The following PLEKHH1 variants were observed in gnomAD, a reference collection of about 807,000 sequenced individuals.
PLEKHH1 encodes the protein pleckstrin homology domain-containing family H member 1.
A neutral mutation model predicts 160.0 loss-of-function variants in PLEKHH1; 104 were observed. The observed-to-expected ratio is 0.65, with a 90% confidence interval of 0.55 to 0.76. The LOEUF (loss-of-function observed/expected upper bound fraction) is 0.76, where lower values mean the gene tolerates loss of function less well. PLEKHH1 is among the 30% of genes least tolerant of loss of function. The probability of loss-of-function intolerance (pLI) is 0.00; values close to 1 mark genes in which losing one functional copy is unlikely to be tolerated. For synonymous variants in PLEKHH1, 619 were observed against 678.4 expected, an observed-to-expected ratio of 0.91 and a Z score of 1.36; for missense variants, 1,427 against 1,724.1, an observed-to-expected ratio of 0.83 and a Z score of 3.05.
intron 24 of PLEKHH1, 112 bp from the exon 25 acceptor site, chr14:67,583,629 G>A (rs1029490994): frequency 5.6e-6 from 4 of 719,520 alleles, no homozygotes; most frequent in Admixed American, 3.2e-5. Context: ...ACAACCACTC[G>A]CACCCCACCA....
chr14:67,543,416 G>A (rs749380291), intron 2 of PLEKHH1, among the ~76,000 whole-genome samples: 11 of 152,166 alleles, frequency 7.2e-5, no homozygotes, highest in Admixed American at 2.0e-4. Context: ...AGGTACTGCC[G>A]ATAGAAAGGA....
rs765543779 is a variant in PLEKHH1 at position 67,581,015 on chromosome 14, C to T, written c.3261C>T (p.Val1087=). The change falls in exon 23 of 29, where the codon GTC becomes GTT. Residue 1087 remains valine, a synonymous_variant. Transcript: ENST00000329153. ...HPGKSEGGTR[V]VKLMYKNRLY... ...GAAAGTCTGAGGGTGGGACACGCGT[C>T]GTGAAGCTGATGTACAAGAACAGGT... 21 of 1,612,076 alleles carry T rather than the reference C, an allele frequency of 1.3e-5. 1 individual carries two copies. The South Asian group carries it at 2.0e-4, about 15-fold the overall frequency.
Position 67,562,595 on chromosome 14 carries a change from C to T in PLEKHH1, c.964C>T (p.Arg322Trp), listed in dbSNP as rs762659091. The T allele has an allele frequency of 7.4e-5, 120 of 1,612,634 alleles. No individual in the cohort carries two copies. The highest frequency in any genetic ancestry group is 9.4e-5 in the Non-Finnish European group (111 of 1,179,406). ...AAAGGTGCGGGCTCCTGGCACCCCG[C>T]GGGACAGCATCCAGTTGGCCAAAAG... ...LPKVRAPGTP[R>W]DSIQLAKRHH... Residue 322 changes from arginine (R) to tryptophan (W), a missense_variant, in exon 7 of 29, where the codon CGG becomes TGG. Physicochemically the swap from Arg to Trp is moderately radical, Grantham distance 101. Transcript: ENST00000329153.
At position 67,575,996 on chromosome 14, in the gene PLEKHH1, G is replaced by C. The variant is rs1262507547; in HGVS notation, c.2343G>C (p.Lys781Asn). The C allele has an allele frequency of 6.2e-7, 1 of 1,610,884 alleles. No homozygotes were observed. Among genetic ancestry groups the C allele is most frequent in the Non-Finnish European group, 8.5e-7 (1 of 1,177,658 alleles). ...CCACCTACCTCCTCATTGGCACCAA[G>C]CATGAAAAGGTAAGGAAGAGGGCTG... ...HSPTYLLIGT[K>N]HEKDTWLYHL... Residue 781 changes from lysine (K) to asparagine (N), a missense_variant, in exon 16 of 29, where the codon AAG becomes AAC. Around this residue, in one of 6 missense-constraint regions of PLEKHH1, gnomAD observed 436 missense variants for 607.5 expected, o/e 0.72. Transcript: ENST00000329153.
At chr14:67,552,599 C>T (rs1242559059) in intron 2 of PLEKHH1, among the ~76,000 whole-genome samples, 1 of 152,026 alleles carries the variant, frequency 6.6e-6, no homozygotes, top group Non-Finnish European at 1.5e-5. Context: ...AACCCCGTCT[C>T]TTCTAAAAAT....
intron 14 of PLEKHH1, 45 bp from the exon 15 acceptor site, chr14:67,575,347 A>C: frequency 3.3e-5 from 38 of 1,161,788 alleles, no homozygotes; most frequent in Non-Finnish European, 4.4e-5. Context: ...ATTTACTTCT[A>C]GAGTTACCTA....
chr14:67,533,485 C>T (rs1473913660), intron 1 of PLEKHH1, 87 bp downstream of exon 1: 2 of 151,942 alleles, frequency 1.3e-5, no homozygotes, highest in African/African-American at 4.8e-5. Context: ...GACGGCCCCT[C>T]GGGCCCAGAG....
chr14:67,552,988 G>A (rs915000752), intron 2 of PLEKHH1, among the ~76,000 whole-genome samples: 1 of 152,198 alleles, frequency 6.6e-6, no homozygotes, highest in East Asian at 1.9e-4. Flanking sequence ...GTCAATAACA[G>A]AGCGATTTCT....
intron 28 of PLEKHH1, chr14:67,586,802 G>T (rs970991213): frequency 1.8e-5 from 26 of 1,414,220 alleles, no homozygotes; most frequent in Non-Finnish European, 2.3e-5. Context: ...CCCCTTCCCT[G>T]GTTGTAGAGC....
chr14:67,565,366 T>C (rs948532015), intron 7 of PLEKHH1, among the ~76,000 whole-genome samples: 7 of 152,136 alleles, frequency 4.6e-5, no homozygotes, highest in African/African-American at 1.7e-4. Context: ...ACCCCAGCCT[T>C]CTGAGCAGCT....
Position 67,585,595 on chromosome 14 carries a change from G to A in PLEKHH1, c.3727G>A (p.Ala1243Thr), listed in dbSNP as rs377115216. ...QPAQLSSKEN[A>T]LVWIAVNEDG... Reference sequence around the variant, plus strand: ...TGCCCAGCTGTCTTCCAAGGAGAACGCTCTGGTGTGGATTGCTGTGAATGA... The same window carrying A: ...TGCCCAGCTGTCTTCCAAGGAGAACACTCTGGTGTGGATTGCTGTGAATGA... Residue 1243 changes from alanine to threonine, a missense_variant, in exon 27 of 29, where the codon GCT (alanine) becomes ACT (threonine). By Grantham distance (58) the Ala-to-Thr change is moderately conservative. Around this residue, in one of 6 missense-constraint regions of PLEKHH1, gnomAD observed 56 missense variants for 53.0 expected, o/e 1.06. Transcript: ENST00000329153. The A allele has an allele frequency of 6.9e-6, 11 of 1,584,800 alleles. No individual in the cohort carries two copies. The highest frequency in any genetic ancestry group is 3.5e-5 in the South Asian group (3 of 86,534).
chr14:67,587,154 A>G lies in PLEKHH1; in HGVS notation c.4014A>G (p.Gly1338=), dbSNP rs757669002. The change falls in exon 29 of 29, where the codon GGA becomes GGG. Residue 1338 remains glycine (G), a synonymous_variant. Coordinates refer to ENST00000329153, the MANE Select transcript of PLEKHH1 (RefSeq NM_020715.3). ...TTVNPPTNPP[G]ACQLWELDGR... is the part of the protein sequence containing the mutation. Reference sequence around the variant, plus strand: ...TGAACCCCCCCACCAACCCACCCGGAGCCTGCCAGCTGTGGGAACTGGATG... The same window carrying G: ...TGAACCCCCCCACCAACCCACCCGGGGCCTGCCAGCTGTGGGAACTGGATG... 1 of 1,613,880 alleles carries G rather than the reference A, an allele frequency of 6.2e-7. No individual in the cohort carries two copies.
Position 67,562,050 on chromosome 14 carries a change from G to T in PLEKHH1, c.505+15G>T, listed in dbSNP as rs1425723940. On this transcript the variant is annotated intron_variant, in intron 6 of 28. Coordinates refer to ENST00000329153, the MANE Select transcript of PLEKHH1 (RefSeq NM_020715.3). ...TGCGCTAGAAGGTAGGCAGGCCAGGGTGTGCAGGTGTGCAGTACGTGTGTT... is the reference window on the plus strand; with the variant it reads ...TGCGCTAGAAGGTAGGCAGGCCAGGTTGTGCAGGTGTGCAGTACGTGTGTT... 6.2e-7 allele frequency: 1 copy of T among 1,611,302 alleles called. No homozygotes were observed. Among genetic ancestry groups the T allele is most frequent in the East Asian group, 2.2e-5 (1 of 44,876 alleles).
intron 5 of PLEKHH1, among the ~76,000 whole-genome samples, chr14:67,560,761 G>A (rs975436273): frequency 3.0e-5 from 4 of 132,880 alleles, no homozygotes; most frequent in Admixed American, 2.6e-4. Context: ...ACGGAGTCTC[G>A]CTCTTGTTTC....
At chr14:67,586,322 C>T in intron 28 of PLEKHH1, 1 of 1,329,612 alleles carries the variant, frequency 7.5e-7, no homozygotes, top group Non-Finnish European at 1.0e-6. Flanking sequence ...TAACTCTGGC[C>T]TAGCTACTAT....
rs1394865086 is a variant in PLEKHH1, at chr14:67,569,159, G to A, written c.1285G>A (p.Ala429Thr). Reference protein sequence around the residue: ...SSWESRIYAVATSGMRLSDMS... With the variant: ...SSWESRIYAVTTSGMRLSDMS... ...TCAGGAGAGCCGGATCTATGCTGTG[G>A]CCACATCGGGCATGCGGCTCTCAGA... Residue 429 changes from alanine to threonine, a missense_variant, in exon 8 of 29, where the codon GCC (alanine) becomes ACC (threonine). By Grantham distance (58) the Ala-to-Thr change is moderately conservative. Around this residue, in one of 6 missense-constraint regions of PLEKHH1, gnomAD observed 831 missense variants for 929.2 expected, o/e 0.89. Coordinates refer to ENST00000329153, the MANE Select transcript of PLEKHH1 (RefSeq NM_020715.3). 5 of 1,612,702 alleles carry A rather than the reference G, an allele frequency of 3.1e-6. No individual in the cohort carries two copies. The highest frequency in any genetic ancestry group is 4.2e-6 in the Non-Finnish European group (5 of 1,179,048).
chr14:67,554,257 T>C (rs2034508197), intron 2 of PLEKHH1, among the ~76,000 whole-genome samples: 1 of 152,006 alleles, frequency 6.6e-6, no homozygotes, highest in Admixed American at 6.5e-5. Flanking sequence ...TACCTTTTAA[T>C]TAAGGAAAGC....
chr14:67,578,514 GCTGT>G lies in PLEKHH1; in HGVS notation c.2752-15_2752-12del, dbSNP rs995128085. Reference sequence around the variant, plus strand: ...GCTGTAGGCCCAGCACTCACCCCACGCTGTCTGTGTCCCTGGCAGTGCTGGCAGC... The same window carrying G: ...GCTGTAGGCCCAGCACTCACCCCACGCTGTGTCCCTGGCAGTGCTGGCAGC... On this transcript the variant is annotated splice_polypyrimidine_tract_variant and intron_variant, in intron 19 of 28. Coordinates refer to ENST00000329153, the MANE Select transcript of PLEKHH1 (RefSeq NM_020715.3). This position sits in a 1 kb window ranked among gnomAD's most constrained non-coding sequence, Gnocchi z 5.0. The G allele has an allele frequency of 4.5e-6, 7 of 1,561,308 alleles. No homozygotes were observed. The African/African-American group carries it at 8.1e-5, about 18-fold the overall frequency.
At chr14:67,539,916 A>G (rs1594740133) in intron 1 of PLEKHH1, among the ~76,000 whole-genome samples, 1 of 152,202 alleles carries the variant, frequency 6.6e-6, no homozygotes, top group Non-Finnish European at 1.5e-5. Flanking sequence ...AGCAATAGCT[A>G]CTTGTAGTGT....
Sources: gnomAD v4.1 joint callset for allele counts (sites outside exome capture counted in the v4.1 genomes callset) on GRCh38, gnomAD v4.1.1 for gene constraint, gnomAD v4.1.1 regional missense constraint, Gnocchi (gnomAD v3.1) non-coding constraint, MANE v1.5 for transcripts, NCBI Gene and HGNC (gene_info 2026-07-23, HGNC 2026-07-21) for gene names.